The following MGAT4C variants were observed in gnomAD, a reference collection of about 807,000 sequenced individuals.
MGAT4C encodes MGAT4 family member C.
In MGAT4C, 19 loss-of-function variants were observed where a neutral mutation model predicts 40.1. The observed-to-expected ratio is 0.47, with a 90% CI of 0.33 to 0.70. The LOEUF (loss-of-function observed/expected upper bound fraction) is 0.70, where lower values mean the gene tolerates loss of function less well. Among genes scored for constraint, MGAT4C ranks in the 30% least tolerant of loss-of-function variants. The probability of loss-of-function intolerance (pLI) is 0.02; values close to 1 mark genes in which losing one functional copy is unlikely to be tolerated. For synonymous variants in MGAT4C, 181 were observed against 187.1 expected (o/e 0.97, Z 0.27); for missense variants, 491 against 563.2 (o/e 0.87, Z 1.30).
intron 4 of MGAT4C, among the ~76,000 whole-genome samples, chr12:86,327,555 G>A (rs1954555478): frequency 6.6e-6 from 1 of 151,974 alleles, no homozygotes; most frequent in African/African-American, 2.4e-5. Flanking sequence ...ATCTACTGTA[G>A]TGGAATTGAA....
intron 1 of MGAT4C, among the ~76,000 whole-genome samples, chr12:86,764,322 C>T (rs1215615886): frequency 6.6e-6 from 1 of 152,154 alleles, no homozygotes; most frequent in African/African-American, 2.4e-5. Flanking sequence ...GGGGTGCCCG[C>T]CATTGCCCAG....
At chr12:86,581,980 A>G (rs1960795564) in intron 2 of MGAT4C, among the ~76,000 whole-genome samples, 1 of 151,362 alleles carries the variant, frequency 6.6e-6, no homozygotes, top group Non-Finnish European at 1.5e-5. Flanking sequence ...TGTCTTATAG[A>G]TTTTCTGGGA....
intron 3 of MGAT4C, among the ~76,000 whole-genome samples, chr12:86,423,203 T>G (rs1956861994): frequency 1.3e-5 from 2 of 152,066 alleles, no homozygotes; most frequent in Admixed American, 1.3e-4. Context: ...AAAGTTTCTA[T>G]TTGTATCAAA....
At chr12:86,124,186 T>C (rs1430338027) in intron 1 of MGAT4C, among the ~76,000 whole-genome samples, 1 of 152,160 alleles carries the variant, frequency 6.6e-6, no homozygotes. Context: ...CTTACTACAC[T>C]ACCTGTGTCA....
intron 2 of MGAT4C, among the ~76,000 whole-genome samples, chr12:86,666,609 CAAG>C (rs1483875985): frequency 3.3e-5 from 5 of 151,970 alleles, no homozygotes; most frequent in Non-Finnish European, 7.4e-5. Context: ...TTCATGAAAA[CAAG>C]AAGAATCATA....
chr12:85,980,376 A>G lies in MGAT4C; in HGVS notation c.350T>C (p.Leu117Pro), dbSNP rs767389242. 20 of 1,610,140 alleles carry G rather than the reference A, an allele frequency of 1.2e-5. 1 individual carries two copies. Among genetic ancestry groups the G allele is most frequent in the Non-Finnish European group, 1.0e-5 (12 of 1,178,652 alleles). The change falls in exon 5 of 5, where the codon CTT becomes CCT. Residue 117 changes from leucine to proline, a missense_variant. By Grantham distance (98) the Leu-to-Pro change is moderately conservative (BLOSUM62 -3). Coordinates refer to ENST00000611864, the MANE Select transcript of MGAT4C (RefSeq NM_001351288.2). The stretch of plus-strand genomic sequence containing the variant: ...CTCAAAAATTGACTTAATTGTCTCA[A>G]GTAAATAGTTTCCTTTTTTTCGCTT... ...SVKRKKGNYL[L>P]ETIKSIFEQS...
chr12:86,275,760 A>C (rs1355724096), intron 4 of MGAT4C, among the ~76,000 whole-genome samples: 2 of 152,040 alleles, frequency 1.3e-5, no homozygotes, highest in Non-Finnish European at 2.9e-5. Context: ...CTCTAGAAGG[A>C]ACATAGCAGT....
chr12:86,406,780 AC>A (rs1225988380), intron 3 of MGAT4C, among the ~76,000 whole-genome samples: 10 of 152,096 alleles, frequency 6.6e-5, no homozygotes, highest in Non-Finnish European at 1.0e-4. Context: ...GATGAGATAA[AC>A]TTTTTTATCT....
At chr12:86,014,796 C>T (rs1041950911) in intron 2 of MGAT4C, among the ~76,000 whole-genome samples, 13 of 151,856 alleles carry the variant, frequency 8.6e-5, no homozygotes, top group Non-Finnish European at 1.8e-4. Flanking sequence ...CCAAGGAGTA[C>T]TTGGGGACGT....
intron 1 of MGAT4C, among the ~76,000 whole-genome samples, chr12:86,804,323 G>A (rs1475445601): frequency 6.9e-6 from 1 of 145,154 alleles, no homozygotes; most frequent in Non-Finnish European, 1.5e-5. Context: ...GCTAGATGAC[G>A]AGTTAGTGGG....
At chr12:86,560,635 G>A (rs140301674) in intron 2 of MGAT4C, among the ~76,000 whole-genome samples, 1 of 152,178 alleles carries the variant, frequency 6.6e-6, no homozygotes, top group Non-Finnish European at 1.5e-5. Flanking sequence ...GAAGATGCAT[G>A]CCTCTACATC....
At chr12:86,728,702 ATATT>A (rs1386963869) in intron 1 of MGAT4C, among the ~76,000 whole-genome samples, 4 of 152,076 alleles carry the variant, frequency 2.6e-5, no homozygotes, top group Admixed American at 6.5e-5. Flanking sequence ...AAAGAAATGA[ATATT>A]TATTATACTC....
chr12:86,036,830 C>A (rs917437938), intron 2 of MGAT4C, among the ~76,000 whole-genome samples: 1 of 149,830 alleles, frequency 6.7e-6, no homozygotes, highest in African/African-American at 2.4e-5. Context: ...GGAGGTGTCC[C>A]CCTTTTTCTA....
At chr12:86,777,753 T>G (rs1481132204) in intron 1 of MGAT4C, among the ~76,000 whole-genome samples, 1 of 152,192 alleles carries the variant, frequency 6.6e-6, no homozygotes, top group Non-Finnish European at 1.5e-5. Flanking sequence ...TCTCCAGAAA[T>G]TCTTTGAAGT....
intron 1 of MGAT4C, among the ~76,000 whole-genome samples, chr12:86,171,203 A>G (rs1394384726): frequency 6.6e-6 from 1 of 151,966 alleles, no homozygotes; most frequent in Admixed American, 6.6e-5. Context: ...AACCGTGTCT[A>G]TACTAAAAAT....
rs144851336 is a variant in MGAT4C at position 86,038,724 on chromosome 12, C to T, written c.-7+10950G>A. Among the ~76,000 whole-genome samples, 755 of 149,812 alleles carry T rather than the reference C, an allele frequency of 5.0e-3. 49 individuals are homozygous for T. The highest frequency in any genetic ancestry group is 7.8e-3 in the Non-Finnish European group (523 of 66,806). ...TTTATCTTTTAATTGTGGCATTTAG[C>T]CCATTTACATTTAAGGTTAATATTG... On this transcript the variant is annotated intron_variant, in intron 2 of 4. Coordinates refer to ENST00000611864, the MANE Select transcript of MGAT4C (RefSeq NM_001351288.2).
Position 85,964,870 on chromosome 12 carries a change from C to A in MGAT4C, c.*14419G>T, listed in dbSNP as rs1883275522. ...ATATGTCCCATCTGTGGGCTAATGT[C>A]TGAAAGTCCTATGATTAAACTCACT... On this transcript the variant is annotated 3_prime_UTR_variant, in exon 5 of 5. Transcript: ENST00000611864. 6.6e-6 allele frequency: 1 copy of A among 152,032 alleles called. No homozygotes were observed. The highest frequency in any genetic ancestry group is 6.6e-5 in the Admixed American group (1 of 15,246). The allele number at this position is 152,032 out of a possible 1,614,324, so 9.4% of individuals were successfully genotyped here.
At chr12:86,832,409 C>T (rs952671419) in intron 1 of MGAT4C, among the ~76,000 whole-genome samples, 1 of 151,656 alleles carries the variant, frequency 6.6e-6, no homozygotes, top group African/African-American at 2.4e-5. Flanking sequence ...TTCTATAAGT[C>T]TGACGTATTT....
intron 3 of MGAT4C, among the ~76,000 whole-genome samples, chr12:86,432,756 ATC>A (rs1481024856): frequency 6.6e-6 from 1 of 152,180 alleles, no homozygotes; most frequent in Middle Eastern, 3.2e-3. Flanking sequence ...TCTACAAAAT[ATC>A]TCTCTAAAAA....
Sources: allele counts gnomAD v4.1 joint callset (sites outside exome capture counted in the v4.1 genomes callset), GRCh38; gene constraint gnomAD v4.1.1; transcripts MANE v1.5; gene names NCBI Gene and HGNC (gene_info 2026-07-23, HGNC 2026-07-21).